Variants in ACOT12 observed in about 807,000 individuals in gnomAD.
The protein encoded by ACOT12 is acetyl-coenzyme A thioesterase.
In ACOT12, 51 loss-of-function variants were observed where a neutral mutation model predicts 67.7. The observed-to-expected ratio is 0.75, with a 90% confidence interval of 0.60 to 0.95. The LOEUF (loss-of-function observed/expected upper bound fraction) is 0.95. Ranked by LOEUF, ACOT12 falls within the 40% of genes least tolerant of loss-of-function variation. ACOT12 has a pLI of 0.00. For synonymous variants in ACOT12, 251 were observed against 244.6 expected (o/e 1.03, Z -0.24); for missense variants, 734 against 708.1 (o/e 1.04, Z -0.41).
chr5:81,391,040 C>A (rs1760848459), intron 1 of ACOT12, among the ~76,000 whole-genome samples: 1 of 152,154 alleles, frequency 6.6e-6, no homozygotes, highest in Non-Finnish European at 1.5e-5. Flanking sequence ...TTTTTTAAAG[C>A]AAGCAGTTAA....
chr5:81,316,027 T>A, the ACOT12 span, among the ~76,000 whole-genome samples: 2 of 152,190 alleles, frequency 1.3e-5, no homozygotes, highest in Admixed American at 1.3e-4. Context: ...AAAACAGTAC[T>A]TAGCACATAG....
chr5:81,381,181 C>T (rs2153858553), intron 2 of ACOT12, among the ~76,000 whole-genome samples: 1 of 152,138 alleles, frequency 6.6e-6, no homozygotes, highest in South Asian at 2.1e-4. Flanking sequence ...ATTCTCCTGC[C>T]TCAGCTTCCC....
chr5:81,323,083 G>GAA, the ACOT12 span, among the ~76,000 whole-genome samples: 14 of 104,060 alleles, frequency 1.3e-4, no homozygotes, highest in South Asian at 3.2e-4. Context: ...ATAGCAAAAA[G>GAA]AAAAAAAAAA....
intron 6 of ACOT12, 106 bp from the exon 7 acceptor site, chr5:81,346,110 A>G: frequency 4.0e-6 from 6 of 1,501,976 alleles, no homozygotes; most frequent in Non-Finnish European, 5.4e-6. Flanking sequence ...ATTTGACTGA[A>G]ATAAATAACT....
chr5:81,335,674 C>A, intron 12 of ACOT12, 94 bp downstream of exon 12: 2 of 1,388,974 alleles, frequency 1.4e-6, no homozygotes, highest in South Asian at 2.8e-5. Context: ...AACAATGGGT[C>A]ACACATTGGA....
At chr5:81,337,655 C>T (rs1344440082) in intron 11 of ACOT12, among the ~76,000 whole-genome samples, 4 of 152,100 alleles carry the variant, frequency 2.6e-5, no homozygotes, top group African/African-American at 9.7e-5. Context: ...CAGAAAATCA[C>T]CAGAAGCTAG....
At chr5:81,327,730 C>T (rs183868188), downstream of ACOT12, among the ~76,000 whole-genome samples, 179 of 152,288 alleles carry the variant, frequency 1.2e-3, no homozygotes, top group African/African-American at 4.0e-3. Flanking sequence ...CGTGAGCCAC[C>T]GCGGCTGGCT....
At chr5:81,323,309 G>C in the ACOT12 span, among the ~76,000 whole-genome samples, 6 of 152,170 alleles carry the variant, frequency 3.9e-5, no homozygotes, top group Admixed American at 1.3e-4. Flanking sequence ...AGACAGCCCT[G>C]CAAAACCTAG....
intron 2 of ACOT12, among the ~76,000 whole-genome samples, chr5:81,376,215 T>G (rs1018731716): frequency 6.6e-6 from 1 of 152,032 alleles, no homozygotes; most frequent in African/African-American, 2.4e-5. Context: ...ACATGGAAAC[T>G]GAACAACCTG....
intron 11 of ACOT12, among the ~76,000 whole-genome samples, chr5:81,338,838 T>C (rs1561324013): frequency 6.6e-6 from 1 of 152,146 alleles, no homozygotes; most frequent in East Asian, 1.9e-4. Flanking sequence ...TCCCAACACT[T>C]TGGGAGGCCG....
chr5:81,329,069 G>A (rs1758741803), downstream of ACOT12, among the ~76,000 whole-genome samples: 1 of 152,034 alleles, frequency 6.6e-6, no homozygotes, highest in African/African-American at 2.4e-5. Context: ...AATTAGAGTG[G>A]GCAACATCTT....
At chr5:81,330,730 A>G (rs1758790281) in intron 14 of ACOT12, 84 bp downstream of exon 14, 2 of 1,559,352 alleles carry the variant, frequency 1.3e-6, no homozygotes, top group Non-Finnish European at 8.7e-7. Flanking sequence ...CAAGATTACA[A>G]TTAATTAGGA....
the ACOT12 span, among the ~76,000 whole-genome samples, chr5:81,319,504 G>A: frequency 6.6e-6 from 1 of 152,186 alleles, no homozygotes; most frequent in Non-Finnish European, 1.5e-5. Context: ...GATTATCTGA[G>A]GTCGGGAATT....
At chr5:81,325,761 G>T (rs1224901590), downstream of ACOT12, among the ~76,000 whole-genome samples, 1 of 152,128 alleles carries the variant, frequency 6.6e-6, no homozygotes, top group African/African-American at 2.4e-5. Flanking sequence ...TTTTGAATCT[G>T]GAGATGGTTT....
chr5:81,348,048 A>G (rs1759437001), intron 5 of ACOT12, 118 bp from the exon 6 acceptor site: 5 of 1,190,684 alleles, frequency 4.2e-6, no homozygotes, highest in Non-Finnish European at 4.7e-6. Context: ...AAGTGTTCTC[A>G]AAGCCTTAAG....
intron 2 of ACOT12, among the ~76,000 whole-genome samples, chr5:81,381,614 A>C (rs1011766434): frequency 6.6e-6 from 1 of 152,110 alleles, no homozygotes; most frequent in Admixed American, 6.6e-5. Flanking sequence ...ATTTCTTTAC[A>C]TTAAAAAAAA....
intron 2 of ACOT12, among the ~76,000 whole-genome samples, chr5:81,375,792 T>C (rs1760393011): frequency 6.6e-6 from 1 of 152,050 alleles, no homozygotes; most frequent in Admixed American, 6.6e-5. Context: ...AGAGTAACTA[T>C]CCTAAATATA....
In ACOT12 at chr5:81,371,743, C is replaced by T; in HGVS notation, c.258+7G>A. On this transcript the variant is annotated splice_region_variant and intron_variant, in intron 3 of 14. Coordinates refer to ENST00000307624, the MANE Select transcript of ACOT12 (RefSeq NM_130767.3). Reference sequence around the variant, plus strand: ...AACAGGCAGATGTTTGAAAAGGTGCCTCTTACCTCCATGCTTGTGCTGAAT... The same window carrying T: ...AACAGGCAGATGTTTGAAAAGGTGCTTCTTACCTCCATGCTTGTGCTGAAT... 1.2e-6 allele frequency: 2 copies of T among 1,613,858 alleles called. No individual in the cohort carries two copies. The highest frequency in any genetic ancestry group is 1.7e-6 in the Non-Finnish European group (2 of 1,179,774).
intron 5 of ACOT12, among the ~76,000 whole-genome samples, chr5:81,352,504 A>G (rs186077099): frequency 6.6e-6 from 1 of 152,346 alleles, no homozygotes; most frequent in East Asian, 1.9e-4. Context: ...AGGCACAGAA[A>G]GACAAACGAC....
Sources: gnomAD v4.1 joint callset for allele counts (sites outside exome capture counted in the v4.1 genomes callset) on GRCh38, gnomAD v4.1.1 for gene constraint, MANE v1.5 for transcripts, NCBI Gene and HGNC (gene_info 2026-07-23, HGNC 2026-07-21) for gene names.